PKHD1: variants seen among roughly 807,000 people sequenced by gnomAD.
The protein encoded by PKHD1 is fibrocystin.
A neutral mutation model predicts 412.0 loss-of-function variants in PKHD1; 291 were observed. The ratio of observed to expected loss-of-function variants is 0.71; its 90% CI spans 0.64 to 0.78. The LOEUF is 0.78. Ranked by LOEUF, PKHD1 falls within the 30% of genes least tolerant of loss-of-function variation. The pLI, the probability that PKHD1 is intolerant of heterozygous loss-of-function variation, is 0.00. For missense variants in PKHD1, 4,825 were observed against 4,950.7 expected (o/e 0.97, Z 0.76); for synonymous variants, 1,777 against 1,821.5 (o/e 0.98, Z 0.62).
chr6:51,719,390 T>A (rs1582263389), intron 60 of PKHD1, among the ~76,000 whole-genome samples: 1 of 152,284 alleles, frequency 6.6e-6, no homozygotes, highest in East Asian at 1.9e-4. Context: ...CACCCTTGCC[T>A]ATTGACATTT....
At chr6:51,824,715 T>C (rs1440944103) in intron 52 of PKHD1, among the ~76,000 whole-genome samples, 1 of 152,218 alleles carries the variant, frequency 6.6e-6, no homozygotes, top group Admixed American at 6.5e-5. Flanking sequence ...GGATCTTTAA[T>C]GTCTACCCTG....
At chr6:51,900,828 A>G (rs975241037) in intron 43 of PKHD1, among the ~76,000 whole-genome samples, 2 of 152,138 alleles carry the variant, frequency 1.3e-5, no homozygotes, top group Non-Finnish European at 2.9e-5. Flanking sequence ...TTTACAAGAA[A>G]AAAACAACCC....
intron 60 of PKHD1, among the ~76,000 whole-genome samples, chr6:51,673,259 C>A (rs1011750113): frequency 6.6e-6 from 1 of 152,194 alleles, no homozygotes; most frequent in Non-Finnish European, 1.5e-5. Flanking sequence ...CAGTTTCCAA[C>A]TTAGAACCAA....
intron 37 of PKHD1, among the ~76,000 whole-genome samples, chr6:51,921,353 C>T (rs1784672657): frequency 6.6e-6 from 1 of 152,156 alleles, no homozygotes; most frequent in African/African-American, 2.4e-5. Flanking sequence ...TCTGGCTGCC[C>T]TTAACATTTT....
At chr6:51,673,703 G>A (rs62461292) in intron 60 of PKHD1, among the ~76,000 whole-genome samples, 19,839 of 152,090 alleles carry the variant, frequency 0.13, 1,317 homozygotes, top group East Asian at 0.27. Flanking sequence ...TGTCAGCCTC[G>A]GAGGGGCAGG....
intron 36 of PKHD1, among the ~76,000 whole-genome samples, chr6:51,934,961 T>C (rs1010835343): frequency 6.6e-6 from 1 of 152,176 alleles, no homozygotes; most frequent in Non-Finnish European, 1.5e-5. Context: ...AGGAAATATT[T>C]AGATCTCAGT....
At chr6:51,995,203 G>A (rs1315156016) in intron 35 of PKHD1, among the ~76,000 whole-genome samples, 1 of 152,154 alleles carries the variant, frequency 6.6e-6, no homozygotes, top group Non-Finnish European at 1.5e-5. Flanking sequence ...GCAGCTACAT[G>A]TTTTAGAACT....
chr6:51,873,562 A>G (rs755712981), intron 46 of PKHD1, among the ~76,000 whole-genome samples: 5 of 152,184 alleles, frequency 3.3e-5, no homozygotes. Context: ...TTCCCCTATG[A>G]TTTGTGCACA....
At chr6:51,766,724 G>C (rs971080865) in intron 55 of PKHD1, among the ~76,000 whole-genome samples, 3 of 149,452 alleles carry the variant, frequency 2.0e-5, no homozygotes, top group African/African-American at 7.4e-5. Context: ...TATACTTTAA[G>C]TTTTAGGGTA....
chr6:51,989,060 C>G (rs1185724642), intron 35 of PKHD1, among the ~76,000 whole-genome samples: 2 of 152,128 alleles, frequency 1.3e-5, no homozygotes, highest in East Asian at 3.9e-4. Context: ...CTTTTGGAAG[C>G]GATATCTTTA....
intron 28 of PKHD1, among the ~76,000 whole-genome samples, chr6:52,033,670 G>A (rs1803439796): frequency 6.6e-6 from 1 of 151,526 alleles, no homozygotes. Flanking sequence ...AAGAAACAGT[G>A]ACTACTCAAG....
At chr6:51,919,058 T>C (rs1784277346) in intron 37 of PKHD1, among the ~76,000 whole-genome samples, 1 of 152,228 alleles carries the variant, frequency 6.6e-6, no homozygotes, top group Non-Finnish European at 1.5e-5. Flanking sequence ...ATTGCAAATA[T>C]TTTCTCCCAT....
chr6:51,645,158 A>G (rs1178989681), intron 63 of PKHD1, among the ~76,000 whole-genome samples: 2 of 152,324 alleles, frequency 1.3e-5, no homozygotes, highest in African/African-American at 2.4e-5. Flanking sequence ...TTTCATTATA[A>G]TTACAATACT....
chr6:51,861,160 T>C (rs567217882), intron 48 of PKHD1, among the ~76,000 whole-genome samples: 5 of 152,306 alleles, frequency 3.3e-5, no homozygotes, highest in Admixed American at 3.3e-4. Context: ...AATATAACAC[T>C]ATCACTTGGT....
chr6:51,694,388 T>C (rs1025353283), intron 60 of PKHD1, among the ~76,000 whole-genome samples: 4 of 151,788 alleles, frequency 2.6e-5, no homozygotes, highest in Non-Finnish European at 5.9e-5. Context: ...TAAATTTATT[T>C]ATTTACTTAT....
At chr6:51,858,430 C>T (rs9370075) in intron 48 of PKHD1, among the ~76,000 whole-genome samples, 60,308 of 151,852 alleles carry the variant, frequency 0.4, 13,115 homozygotes, top group East Asian at 0.85. Context: ...GTAAAACAAA[C>T]ATGATAAGAG....
At chr6:51,739,900 G>A in intron 60 of PKHD1, 1 of 496,014 alleles carries the variant, frequency 2.0e-6, no homozygotes, top group South Asian at 1.5e-5. Flanking sequence ...CGGGGTGTGA[G>A]GTTATGCCAT....
chr6:51,715,930 C>T (rs1227037791), intron 60 of PKHD1, among the ~76,000 whole-genome samples: 2 of 152,118 alleles, frequency 1.3e-5, no homozygotes, highest in Non-Finnish European at 2.9e-5. Flanking sequence ...TCCGGAAGCC[C>T]AGAGTCCAGA....
chr6:51,867,949 A>G lies in PKHD1; in HGVS notation c.7647T>C (p.Ser2549=). 6.2e-7 allele frequency: 1 copy of G among 1,613,384 alleles called. No individual in the cohort carries two copies. Among genetic ancestry groups the G allele is most frequent in the African/African-American group, 1.3e-5 (1 of 75,024 alleles). ...ILASMETLSA[S]CLVNSSFGRV... Reference sequence around the variant, plus strand: ...GACCAAAGCTTGAATTGACCAAACAAGAAGCTGAAAGGGTTTCCATAGAAG... The same window carrying G: ...GACCAAAGCTTGAATTGACCAAACAGGAAGCTGAAAGGGTTTCCATAGAAG... The change falls in exon 48 of 67, where the codon TCT becomes TCC. Residue 2549 remains serine (S), a synonymous_variant. Coordinates refer to ENST00000371117, the MANE Select transcript of PKHD1 (RefSeq NM_138694.4).
Sources: allele counts gnomAD v4.1 joint callset (sites outside exome capture counted in the v4.1 genomes callset), GRCh38; gene constraint gnomAD v4.1.1; transcripts MANE v1.5; gene names NCBI Gene and HGNC (gene_info 2026-07-23, HGNC 2026-07-21).